The following ZNF585B variants were observed in gnomAD, a reference collection of about 807,000 sequenced individuals.
The protein encoded by ZNF585B is zinc finger protein 41-like protein.
A neutral mutation model predicts 14.0 loss-of-function variants in ZNF585B; 7 were observed. That is an observed-to-expected ratio of 0.50 (90% CI 0.28 to 0.94). The LOEUF is 0.94. Among genes scored for constraint, ZNF585B ranks in the 40% least tolerant of loss-of-function variants. The pLI is 0.09. For synonymous variants in ZNF585B, 290 were observed against 317.3 expected (o/e 0.91, Z 0.91); for missense variants, 750 against 924.4 (o/e 0.81, Z 2.45).
In ZNF585B at chr19:37,207,364, G is replaced by A. The variant is rs901210639; in HGVS notation, c.-143-110C>T. The A allele has an allele frequency of 5.0e-5, 38 of 763,908 alleles. No individual in the cohort carries two copies. The African/African-American group carries it at 6.0e-4, about 12-fold the overall frequency. The allele number at this position is 763,908 out of a possible 1,614,324, so 47.3% of individuals were successfully genotyped here. A position where few individuals can be genotyped will look rare whatever the true frequency, so the allele number is the denominator to read the frequency against. On this transcript the variant is annotated intron_variant, in intron 1 of 4. Transcript: ENST00000532828. Reference sequence around the variant, plus strand: ...GAAACCAGAGCAGTGGTTCCCAAACGTAGGTATGCATTCAAGTCACCTGGA... The same window carrying A: ...GAAACCAGAGCAGTGGTTCCCAAACATAGGTATGCATTCAAGTCACCTGGA...
At position 37,193,603 on chromosome 19, in the gene ZNF585B, C is replaced by T. The variant is rs931265824; in HGVS notation, c.73-3453G>A. ...GACCAGCCCAGGCAACACAGTGAGACCCTGTCCCTAAAAAAATACCAAAAA... is the reference window on the plus strand; with the variant it reads ...GACCAGCCCAGGCAACACAGTGAGATCCTGTCCCTAAAAAAATACCAAAAA... On this transcript the variant is annotated intron_variant, in intron 2 of 4. Coordinates refer to ENST00000532828, the MANE Select transcript of ZNF585B (RefSeq NM_152279.4). 2.0e-5 allele frequency among the ~76,000 whole-genome samples: 3 copies of T among 151,954 alleles called. No homozygotes were observed. The East Asian group carries it at 5.8e-4, about 29-fold the overall frequency.
chr19:37,195,039 G>C (rs753004822), intron 2 of ZNF585B, among the ~76,000 whole-genome samples: 2 of 151,966 alleles, frequency 1.3e-5, no homozygotes, highest in Non-Finnish European at 2.9e-5. Flanking sequence ...AAATCTCAAA[G>C]GTCATTTTAA....
At chr19:37,200,549 C>CAA (rs368092726) in intron 2 of ZNF585B, among the ~76,000 whole-genome samples, 15 of 48,632 alleles carry the variant, frequency 3.1e-4, no homozygotes, top group East Asian at 5.8e-4. Flanking sequence ...GATTCTGTCT[C>CAA]AAAAAAAAAA....
rs1972503891 is a variant in ZNF585B at position 37,199,114 on chromosome 19, C to T, written c.72+7926G>A. 3 of 873,616 alleles carry T rather than the reference C, an allele frequency of 3.4e-6. No homozygotes were observed. The Admixed American group carries it at 7.5e-5, about 22-fold the overall frequency. 54.1% of individuals were successfully genotyped at this position (873,616 alleles called of 1,614,324 possible). ...TATCATACACTTGTATAGTCACACC[C>T]TACACACACCAAACTCCCCAACCCC... On this transcript the variant is annotated intron_variant, in intron 2 of 4. Coordinates refer to ENST00000532828, the MANE Select transcript of ZNF585B (RefSeq NM_152279.4).
chr19:37,189,365 C>A (rs918281891), intron 4 of ZNF585B, among the ~76,000 whole-genome samples: 3 of 151,724 alleles, frequency 2.0e-5, no homozygotes, highest in African/African-American at 7.3e-5. Context: ...TGGATGTAAA[C>A]GAGAGACTCT....
At position 37,186,316 on chromosome 19, in the gene ZNF585B, T is replaced by C; in HGVS notation, c.1221A>G (p.Glu407=). ...CACATTTCATGCATATATACGATTT[T>C]TCTCCTGTATGAATTCTCTGATGCA... ...LTVHQRIHTG[E]KSYICMKCGL... The change falls in exon 5 of 5, where the codon GAA becomes GAG. Residue 407 remains glutamate (E), a synonymous_variant. Coordinates refer to ENST00000532828, the MANE Select transcript of ZNF585B (RefSeq NM_152279.4). The C allele has an allele frequency of 1.9e-6, 3 of 1,614,008 alleles. No individual in the cohort carries two copies. The highest frequency in any genetic ancestry group is 2.5e-6 in the Non-Finnish European group (3 of 1,179,924).
At chr19:37,187,988 C>T (rs1426666284) in intron 4 of ZNF585B, among the ~76,000 whole-genome samples, 2 of 151,868 alleles carry the variant, frequency 1.3e-5, no homozygotes, top group Admixed American at 6.6e-5. Context: ...ACAACATGCA[C>T]GAATTAAAAA....
chr19:37,206,451 C>CAAA (rs777306567), intron 2 of ZNF585B, among the ~76,000 whole-genome samples: 18 of 83,958 alleles, frequency 2.1e-4, no homozygotes, highest in African/African-American at 7.2e-4. Context: ...AACTCTGTTT[C>CAAA]AAAAAAAAAA....
At chr19:37,200,532 A>G (rs182466810) in intron 2 of ZNF585B, among the ~76,000 whole-genome samples, 9 of 146,778 alleles carry the variant, frequency 6.1e-5, no homozygotes, top group African/African-American at 2.0e-4. Context: ...CCTGGGTGAC[A>G]GAGCAAGATT....
intron 2 of ZNF585B, among the ~76,000 whole-genome samples, chr19:37,205,697 C>G (rs1972577844): frequency 6.6e-6 from 1 of 152,154 alleles, no homozygotes; most frequent in Admixed American, 6.5e-5. Flanking sequence ...ATATTTCTAA[C>G]TTTTGAACTA....
intron 1 of ZNF585B, among the ~76,000 whole-genome samples, chr19:37,207,604 C>A (rs1431156671): frequency 1.3e-5 from 2 of 152,082 alleles, no homozygotes; most frequent in South Asian, 4.1e-4. Flanking sequence ...TGCAGCTGTA[C>A]CACTTTTCAA....
chr19:37,199,378 C>T (rs887345987), intron 2 of ZNF585B: 11 of 372,588 alleles, frequency 3.0e-5, no homozygotes, highest in East Asian at 1.7e-4. Flanking sequence ...TACAAAATTT[C>T]GCCAGTTCTA....
intron 2 of ZNF585B, among the ~76,000 whole-genome samples, chr19:37,195,104 G>C (rs966254182): frequency 6.6e-6 from 1 of 151,904 alleles, no homozygotes; most frequent in Non-Finnish European, 1.5e-5. Context: ...CAGCACTTTG[G>C]GGGGCCGAGG....
intron 2 of ZNF585B, 39 bp downstream of exon 2, chr19:37,207,001 T>G (rs1177222644): frequency 1.2e-6 from 2 of 1,612,080 alleles, no homozygotes; most frequent in Non-Finnish European, 8.5e-7. Flanking sequence ...TATCTACTCT[T>G]GGACTGAAAT....
Position 37,183,263 on chromosome 19 carries a change from A to G in ZNF585B, c.*1964T>C, listed in dbSNP as rs1972281587. 6.6e-6 allele frequency: 1 copy of G among 152,202 alleles called. No individual in the cohort carries two copies. Among genetic ancestry groups the G allele is most frequent in the African/African-American group, 2.4e-5 (1 of 41,438 alleles). 9.4% of individuals were successfully genotyped at this position (152,202 alleles called of 1,614,324 possible). ...AAGGGATACAGCCCAGGTACAGACTAGAGGTGAAAAAGCCTGGTGTGTTTT... is the reference window on the plus strand; with the variant it reads ...AAGGGATACAGCCCAGGTACAGACTGGAGGTGAAAAAGCCTGGTGTGTTTT... On this transcript the variant is annotated 3_prime_UTR_variant, in exon 5 of 5. Coordinates refer to ENST00000532828, the MANE Select transcript of ZNF585B (RefSeq NM_152279.4).
Position 37,184,976 on chromosome 19 carries a change from C to G in ZNF585B, c.*251G>C. On this transcript the variant is annotated 3_prime_UTR_variant, in exon 5 of 5. Transcript: ENST00000532828. Reference sequence around the variant, plus strand: ...TGTAGTTTTCATGAGAAGGCTTTTCCTATTCACCAAATTGACTCGGTTCCT... The same window carrying G: ...TGTAGTTTTCATGAGAAGGCTTTTCGTATTCACCAAATTGACTCGGTTCCT... 2.2e-6 allele frequency: 1 copy of G among 461,276 alleles called. No homozygotes were observed. Among genetic ancestry groups the G allele is most frequent in the Non-Finnish European group, 3.8e-6 (1 of 262,944 alleles). The allele number at this position is 461,276 out of a possible 1,614,324, so 28.6% of individuals were successfully genotyped here.
In ZNF585B at chr19:37,185,632, C is replaced by A. The variant is rs555249023; in HGVS notation, c.1905G>T (p.Val635=). Residue 635 remains valine (V), a synonymous_variant, in exon 5 of 5, where the codon GTG becomes GTT. Transcript: ENST00000532828. The part of the protein sequence containing the change: ...QPVHTGEKPY[V]CAECGKAFSG... Reference sequence around the variant, plus strand: ...TAAAGGCTTTCCCACACTCGGCACACACATAGGGTTTCTCTCCTGTGTGAA... The same window carrying A: ...TAAAGGCTTTCCCACACTCGGCACAAACATAGGGTTTCTCTCCTGTGTGAA... 16 of 1,613,788 alleles carry A rather than the reference C, an allele frequency of 9.9e-6. No homozygotes were observed. Among genetic ancestry groups the A allele is most frequent in the African/African-American group, 1.3e-5 (1 of 74,826 alleles).
At chr19:37,189,284 A>G (rs371708812) in intron 4 of ZNF585B, among the ~76,000 whole-genome samples, 5 of 152,146 alleles carry the variant, frequency 3.3e-5, no homozygotes, top group Non-Finnish European at 7.4e-5. Context: ...GACAGAAATA[A>G]AAGGGGTGTA....
chr19:37,209,793 G>A lies in ZNF585B; in HGVS notation c.-144+648C>T, dbSNP rs58716620. Among the ~76,000 whole-genome samples the A allele has an allele frequency of 9.2e-3, 1,269 of 137,538 alleles. 19 individuals are homozygous for A. The highest frequency in any genetic ancestry group is 0.033 in the African/African-American group (1,225 of 37,312). 90.2% of individuals were successfully genotyped at this position (137,538 alleles called of 152,430 possible). A position where few individuals can be genotyped will look rare whatever the true frequency, so the allele number is the denominator to read the frequency against. ...TGCAGTGGCAAGATCTGGGCTCACC[G>A]CAAGCTCCGCCTCCCGGGTTCACGC... On this transcript the variant is annotated intron_variant, in intron 1 of 4. Transcript: ENST00000532828.
Sources: gnomAD v4.1 joint callset for allele counts (sites outside exome capture counted in the v4.1 genomes callset) on GRCh38, gnomAD v4.1.1 for gene constraint, MANE v1.5 for transcripts, NCBI Gene and HGNC (gene_info 2026-07-23, HGNC 2026-07-21) for gene names.